Variants in SDK1 observed in about 807,000 individuals in gnomAD.
SDK1 encodes protein sidekick-1.
In SDK1, 157 loss-of-function variants were observed where a neutral mutation model predicts 245.5. The observed-to-expected ratio is 0.64, with a 90% CI of 0.56 to 0.73. The LOEUF is 0.73. Ranked by LOEUF, SDK1 falls within the 30% of genes least tolerant of loss-of-function variation. SDK1 has a pLI of 0.00. For synonymous variants in SDK1, 1,647 were observed against 1,278.5 expected, an observed-to-expected ratio of 1.29 and a Z score of -6.15; for missense variants, 3,583 against 3,002.3, an observed-to-expected ratio of 1.19 and a Z score of -4.52.
At chr7:3,429,043 C>G (rs1451710151) in intron 1 of SDK1, among the ~76,000 whole-genome samples, 5 of 152,146 alleles carry the variant, frequency 3.3e-5, no homozygotes, top group African/African-American at 1.2e-4. Flanking sequence ...CTCAATTCAT[C>G]TGGCCGGCTG....
intron 14 of SDK1, among the ~76,000 whole-genome samples, chr7:4,007,221 C>T (rs575356426): frequency 2.6e-5 from 4 of 152,204 alleles, no homozygotes; most frequent in East Asian, 1.9e-4. Flanking sequence ...TGCAGAGGTG[C>T]GGGTGGAGGG....
At chr7:3,668,015 T>C (rs959683573) in intron 4 of SDK1, among the ~76,000 whole-genome samples, 5 of 152,178 alleles carry the variant, frequency 3.3e-5, no homozygotes, top group African/African-American at 9.7e-5. Context: ...AAGAAACTTA[T>C]AAGAAACCTC....
chr7:3,443,933 A>G lies in SDK1; in HGVS notation c.298+142049A>G, dbSNP rs181971211. Among the ~76,000 whole-genome samples the G allele has an allele frequency of 4.2e-3, 642 of 152,360 alleles. 7 individuals are homozygous for G. The highest frequency in any genetic ancestry group is 0.018 in the South Asian group (86 of 4,830). On this transcript the variant is annotated intron_variant, in intron 1 of 44. Coordinates refer to ENST00000404826, the MANE Select transcript of SDK1 (RefSeq NM_152744.4). ...ACTGAAGATGTGAACACAGAGTGCT[A>G]TTAACAAATGGTTTAATAACAAAAG...
At chr7:3,458,928 G>T (rs1389102544) in intron 1 of SDK1, among the ~76,000 whole-genome samples, 1 of 152,106 alleles carries the variant, frequency 6.6e-6, no homozygotes, top group Non-Finnish European at 1.5e-5. Flanking sequence ...CATTGTTCAG[G>T]ATTGTCTTGA....
chr7:3,445,252 T>C (rs10215256), intron 1 of SDK1, among the ~76,000 whole-genome samples: 61,765 of 151,944 alleles, frequency 0.41, 13,408 homozygotes, highest in Admixed American at 0.5. Context: ...ATAAAACTTA[T>C]ATGCATTTGG....
rs967217483 is a variant in SDK1 at position 4,127,462 on chromosome 7, A to C, written c.3905A>C (p.Glu1302Ala). The C allele has an allele frequency of 3.1e-6, 5 of 1,614,014 alleles. No homozygotes were observed. The African/African-American group carries it at 6.7e-5, about 22-fold the overall frequency. Residue 1302 changes from glutamate to alanine, a missense_variant, in exon 26 of 45, where the codon GAA (glutamate) becomes GCA (alanine). Glu to Ala is a moderately radical substitution (Grantham distance 107). Coordinates refer to ENST00000404826, the MANE Select transcript of SDK1 (RefSeq NM_152744.4). ...TTACTGACATGGACATCCGTGCCGG[A>C]ACAGGACCAGAATGGGCTCATACTG... ...QILLTWTSVP[E>A]QDQNGLILGY...
intron 4 of SDK1, among the ~76,000 whole-genome samples, chr7:3,799,961 G>A (rs1437990872): frequency 6.6e-6 from 1 of 152,040 alleles, no homozygotes; most frequent in Non-Finnish European, 1.5e-5. Flanking sequence ...TCCATGAGAT[G>A]GAAAAATATT....
chr7:3,953,630 C>T lies in SDK1; in HGVS notation c.1150+1710C>T, dbSNP rs932690979. Among the ~76,000 whole-genome samples the T allele has an allele frequency of 2.6e-5, 4 of 152,194 alleles. No homozygotes were observed. The East Asian group carries it at 7.7e-4, about 29-fold the overall frequency. ...TTCAAACATTTTAAGGTAATTTAAA[C>T]AAGAGAAGAAATTTATCTCCCTTTA... On this transcript the variant is annotated intron_variant, in intron 7 of 44. Transcript: ENST00000404826.
chr7:3,986,435 C>T (rs773512202), intron 13 of SDK1, among the ~76,000 whole-genome samples: 1 of 152,188 alleles, frequency 6.6e-6, no homozygotes, highest in African/African-American at 2.4e-5. Context: ...CATTTTCGCT[C>T]ATAACTCTAA....
intron 1 of SDK1, among the ~76,000 whole-genome samples, chr7:3,523,106 C>G (rs558757909): frequency 3.3e-5 from 5 of 152,176 alleles, no homozygotes; most frequent in African/African-American, 9.6e-5. Flanking sequence ...TTAGATATTG[C>G]TTTTGAATTG....
intron 1 of SDK1, among the ~76,000 whole-genome samples, chr7:3,321,290 C>G (rs536346153): frequency 6.6e-6 from 1 of 152,272 alleles, no homozygotes; most frequent in Non-Finnish European, 1.5e-5. Context: ...TTTGCTGGGT[C>G]ACTTAATTTG....
chr7:4,031,634 G>A (rs1228717999), intron 17 of SDK1, among the ~76,000 whole-genome samples: 1 of 152,010 alleles, frequency 6.6e-6, no homozygotes, highest in Non-Finnish European at 1.5e-5. Flanking sequence ...AATATATGTA[G>A]ATATAGCAAC....
intron 4 of SDK1, among the ~76,000 whole-genome samples, chr7:3,665,744 C>G (rs1363770080): frequency 6.6e-6 from 1 of 152,160 alleles, no homozygotes; most frequent in Admixed American, 6.5e-5. Context: ...CTGCCATCTG[C>G]AGTCTTTGTT....
At chr7:4,197,292 A>G (rs1783636416) in intron 35 of SDK1, among the ~76,000 whole-genome samples, 1 of 146,684 alleles carries the variant, frequency 6.8e-6, no homozygotes, top group African/African-American at 2.5e-5. Flanking sequence ...GCAAGACCTC[A>G]TCTCTGAAAA....
In SDK1 at chr7:3,851,596, T is replaced by C. The variant is rs567568597; in HGVS notation, c.847+30013T>C. Among the ~76,000 whole-genome samples the C allele has an allele frequency of 2.7e-5, 4 of 150,550 alleles. No homozygotes were observed. In the South Asian group the frequency reaches 8.3e-4, roughly 31 times the overall value. ...TGAAAAAGCTTGCCAATCATGCCGG[T>C]GTTATGAGGATGTGTATTTTTAAGA... On this transcript the variant is annotated intron_variant, in intron 5 of 44. Transcript: ENST00000404826.
At chr7:3,423,578 T>C (rs1779590986) in intron 1 of SDK1, among the ~76,000 whole-genome samples, 1 of 151,990 alleles carries the variant, frequency 6.6e-6, no homozygotes, top group African/African-American at 2.4e-5. Flanking sequence ...GTGGCTTTTT[T>C]TTTTTTCAGT....
chr7:4,215,455 C>T (rs761176666), intron 38 of SDK1, among the ~76,000 whole-genome samples: 1 of 152,248 alleles, frequency 6.6e-6, no homozygotes, highest in African/African-American at 2.4e-5. Flanking sequence ...GTGGGAGGCA[C>T]CCTGGTCCTC....
intron 30 of SDK1, among the ~76,000 whole-genome samples, chr7:4,150,054 G>A (rs958590675): frequency 5.9e-5 from 9 of 152,224 alleles, no homozygotes; most frequent in East Asian, 3.9e-4. Context: ...TAGCAGCGGC[G>A]TTCTGTGGGT....
intron 2 of SDK1, among the ~76,000 whole-genome samples, chr7:3,625,607 A>G (rs972774094): frequency 4.6e-5 from 7 of 152,248 alleles, no homozygotes; most frequent in East Asian, 1.9e-4. Flanking sequence ...TGCAACGTCT[A>G]TGGAGTCTTA....
Sources: allele counts gnomAD v4.1 joint callset (sites outside exome capture counted in the v4.1 genomes callset), GRCh38; gene constraint gnomAD v4.1.1; transcripts MANE v1.5; gene names NCBI Gene and HGNC (gene_info 2026-07-23, HGNC 2026-07-21).